DMRT2: variants seen among roughly 807,000 people sequenced by gnomAD.
DMRT2 encodes doublesex- and mab-3-related transcription factor 2.
A neutral mutation model predicts 43.5 loss-of-function variants in DMRT2; 33 were observed. The ratio of observed to expected loss-of-function variants is 0.76; its 90% CI spans 0.58 to 1.01. The LOEUF (loss-of-function observed/expected upper bound fraction) is 1.01, where lower values mean the gene tolerates loss of function less well. DMRT2 is among the 50% of genes least tolerant of loss of function. The pLI, the probability that DMRT2 is intolerant of heterozygous loss-of-function variation, is 0.00. For missense variants in DMRT2, 1,064 were observed against 748.0 expected (o/e 1.42, Z -4.93); for synonymous variants, 395 against 309.2 (o/e 1.28, Z -2.91).
chr9:1,055,872 A>G, intron 3 of DMRT2: 1 of 1,512,112 alleles, frequency 6.6e-7, no homozygotes. Context: ...TACAAGATAA[A>G]TAGTCTTGTC....
chr9:1,057,337 T>A lies in DMRT2; in HGVS notation c.*64T>A. The A allele has an allele frequency of 6.7e-7, 1 of 1,485,582 alleles. No individual in the cohort carries two copies. Among genetic ancestry groups the A allele is most frequent in the South Asian group, 1.4e-5 (1 of 69,688 alleles). The allele number at this position is 1,485,582 out of a possible 1,614,324, so 92.0% of individuals were successfully genotyped here. A position where few individuals can be genotyped will look rare whatever the true frequency, so the allele number is the denominator to read the frequency against. ...TAGAGCATTATAGCCATTTGCTACT[T>A]TTTTTAAAAGTTAAGATGTTTGTGT... On this transcript the variant is annotated 3_prime_UTR_variant, in exon 4 of 4. Transcript: ENST00000358146.
chr9:1,055,508 C>G (rs1046994993), intron 3 of DMRT2, among the ~76,000 whole-genome samples: 1 of 151,946 alleles, frequency 6.6e-6, no homozygotes, highest in Non-Finnish European at 1.5e-5. Flanking sequence ...GCAGGGAATA[C>G]TCCCCGCCTT....
rs759929135 is a variant in DMRT2 at position 1,051,421 on chromosome 9, C to T, written c.-44-149C>T. 9.4e-5 allele frequency: 83 copies of T among 884,102 alleles called. No individual in the cohort carries two copies. The highest frequency in any genetic ancestry group is 3.6e-4 in the Middle Eastern group (1 of 2,746). The allele number at this position is 884,102 out of a possible 1,614,324, so 54.8% of individuals were successfully genotyped here. ...GGGGGCCCTGGAGATACAGGAAAGG[C>T]ACGTGTGGCCTGGAAGTGAGGGACA... On this transcript the variant is annotated intron_variant, in intron 1 of 3. Coordinates refer to ENST00000358146, the MANE Select transcript of DMRT2 (RefSeq NM_181872.6). The surrounding 1 kb of genome is among the most constrained non-coding windows in gnomAD (Gnocchi z 5.9).
At position 1,057,524 on chromosome 9, in the gene DMRT2, A is replaced by G; in HGVS notation, c.*251A>G. ...TTACACAGCATTTCAAAAAGCAATA[A>G]AATTGACACTGTCTTCTCAAAGACC... On this transcript the variant is annotated 3_prime_UTR_variant, in exon 4 of 4. Coordinates refer to ENST00000358146, the MANE Select transcript of DMRT2 (RefSeq NM_181872.6). 1 of 416,370 alleles carries G rather than the reference A, an allele frequency of 2.4e-6. No homozygotes were observed. The highest frequency in any genetic ancestry group is 4.2e-6 in the Non-Finnish European group (1 of 236,688). The allele number at this position is 416,370 out of a possible 1,614,324, so 25.8% of individuals were successfully genotyped here. A position where few individuals can be genotyped will look rare whatever the true frequency, so the allele number is the denominator to read the frequency against.
chr9:1,053,287 G>T (rs1433613667), intron 2 of DMRT2, among the ~76,000 whole-genome samples: 1 of 150,680 alleles, frequency 6.6e-6, no homozygotes, highest in Non-Finnish European at 1.5e-5. Context: ...GGAGAAATCC[G>T]CCCGGCCTCA....
At chr9:1,055,508 C>T (rs1046994993) in intron 3 of DMRT2, among the ~76,000 whole-genome samples, 1 of 151,946 alleles carries the variant, frequency 6.6e-6, no homozygotes, top group African/African-American at 2.4e-5. Context: ...GCAGGGAATA[C>T]TCCCCGCCTT....
At position 1,052,118 on chromosome 9, in the gene DMRT2, C is replaced by T. The variant is rs1224964414; in HGVS notation, c.505C>T (p.Arg169Trp). 2 of 1,416,992 alleles carry T rather than the reference C, an allele frequency of 1.4e-6. No homozygotes were observed. Among genetic ancestry groups the T allele is most frequent in the Non-Finnish European group, 9.2e-7 (1 of 1,091,302 alleles). 87.8% of individuals were successfully genotyped at this position (1,416,992 alleles called of 1,614,324 possible). The change falls in exon 2 of 4, where the codon CGG (arginine) becomes TGG (tryptophan). Residue 169 changes from arginine (R) to tryptophan (W), a missense_variant. Physicochemically the swap from Arg to Trp is moderately radical, Grantham distance 101. Transcript: ENST00000358146. ...QRVMAAQVALRRQQATEDKKG... is the reference protein window; with the variant it reads ...QRVMAAQVALWRQQATEDKKG... ...CGTCATGGCCGCCCAGGTGGCGCTCCGGAGGCAGCAGGCCACCGAGGTGCG... is the reference window on the plus strand; with the variant it reads ...CGTCATGGCCGCCCAGGTGGCGCTCTGGAGGCAGCAGGCCACCGAGGTGCG...
chr9:1,053,122 G>T (rs183884559), intron 2 of DMRT2: 1 of 152,444 alleles, frequency 6.6e-6, no homozygotes, highest in East Asian at 1.9e-4. Flanking sequence ...GGACGCGGGC[G>T]TGGGAGGGCC....
intron 2 of DMRT2, among the ~76,000 whole-genome samples, chr9:1,052,709 AC>A (rs766709501): frequency 6.6e-6 from 1 of 152,106 alleles, no homozygotes; most frequent in Non-Finnish European, 1.5e-5. Flanking sequence ...CCTGCAAACT[AC>A]CTAAGAGCAA....
Position 1,051,444 on chromosome 9 carries a change from A to T in DMRT2, c.-44-126A>T. 1 of 1,110,052 alleles carries T rather than the reference A, an allele frequency of 9.0e-7. No homozygotes were observed. Among genetic ancestry groups the T allele is most frequent in the Non-Finnish European group, 1.2e-6 (1 of 837,778 alleles). 68.8% of individuals were successfully genotyped at this position (1,110,052 alleles called of 1,614,324 possible). A position where few individuals can be genotyped will look rare whatever the true frequency, so the allele number is the denominator to read the frequency against. On this transcript the variant is annotated intron_variant, in intron 1 of 3. Coordinates refer to ENST00000358146, the MANE Select transcript of DMRT2 (RefSeq NM_181872.6). This position sits in a 1 kb window ranked among gnomAD's most constrained non-coding sequence, Gnocchi z 5.9. ...GGCACGTGTGGCCTGGAAGTGAGGG[A>T]CATGTAATGAGAACAGGATGACTCA... is the stretch of plus-strand genomic sequence containing the variant.
chr9:1,056,460 A>G lies in DMRT2; in HGVS notation c.873A>G (p.Pro291=). The part of the protein sequence containing the change: ...NSYKSAYSPS[P]VEPPSKDFCN... ...ACAAAAGTGCCTACAGCCCCAGCCC[A>G]GTGGAACCACCAAGCAAGGACTTCT... The change falls in exon 4 of 4, where the codon CCA becomes CCG. Residue 291 remains proline, a synonymous_variant. Coordinates refer to ENST00000358146, the MANE Select transcript of DMRT2 (RefSeq NM_181872.6). 3 of 1,614,204 alleles carry G rather than the reference A, an allele frequency of 1.9e-6. No homozygotes were observed. Among genetic ancestry groups the G allele is most frequent in the Non-Finnish European group, 2.5e-6 (3 of 1,180,026 alleles).
In DMRT2 at chr9:1,051,674, G is replaced by A. The variant is rs1156951855; in HGVS notation, c.61G>A (p.Glu21Lys). 1.9e-6 allele frequency: 3 copies of A among 1,570,020 alleles called. No homozygotes were observed. Among genetic ancestry groups the A allele is most frequent in the Non-Finnish European group, 2.6e-6 (3 of 1,166,196 alleles). Residue 21 changes from glutamate to lysine, a missense_variant, in exon 2 of 4, where the codon GAG becomes AAG. Physicochemically the swap from Glu to Lys is moderately conservative, Grantham distance 56. Transcript: ENST00000358146. The surrounding 1 kb of genome is among the most constrained non-coding windows in gnomAD (Gnocchi z 5.9). ...GDWEIDVESL[E>K]LEEDVCGAPR... is the part of the protein sequence containing the mutation. The stretch of plus-strand genomic sequence containing the variant: ...CTGGGAGATCGATGTCGAGAGCCTG[G>A]AGCTGGAAGAGGACGTCTGCGGGGC...
rs1325411950 is a variant in DMRT2 at position 1,056,498 on chromosome 9, C to A, written c.911C>A (p.Pro304His). The A allele has an allele frequency of 1.2e-6, 2 of 1,614,160 alleles. No individual in the cohort carries two copies. Among genetic ancestry groups the A allele is most frequent in the Non-Finnish European group, 1.7e-6 (2 of 1,180,034 alleles). ...PPSKDFCNFLPTCLDLTMQYS... is the reference protein window; with the variant it reads ...PPSKDFCNFLHTCLDLTMQYS... ...AGCAAGGACTTCTGTAATTTTTTGC[C>A]CACCTGCCTTGATTTAACCATGCAG... The change falls in exon 4 of 4, where the codon CCC becomes CAC. Residue 304 changes from proline to histidine, a missense_variant. Pro to His is a moderately conservative substitution (Grantham distance 77, BLOSUM62 -2). Transcript: ENST00000358146.
rs1436867496 is a variant in DMRT2, at chr9:1,057,140, TAGATAGATGTGCAAA to T, written c.1557_1571del (p.Arg520_Asp524del). ...GACAACCAGAAGTACACATTTACAA[TAGATAGATGTGCAAA>T]AGACCTTTTTGTAGCCAAACAAGTT... On this transcript the variant is annotated inframe_deletion, in exon 4 of 4. Transcript: ENST00000358146. 1 of 1,613,820 alleles carries T rather than the reference TAGATAGATGTGCAAA, an allele frequency of 6.2e-7. No individual in the cohort carries two copies. Among genetic ancestry groups the T allele is most frequent in the Non-Finnish European group, 8.5e-7 (1 of 1,180,014 alleles).
At position 1,056,826 on chromosome 9, in the gene DMRT2, G is replaced by C; in HGVS notation, c.1239G>C (p.Thr413=). The C allele has an allele frequency of 6.2e-7, 1 of 1,614,132 alleles. No individual in the cohort carries two copies. Among genetic ancestry groups the C allele is most frequent in the East Asian group, 2.2e-5 (1 of 44,870 alleles). Residue 413 remains threonine, a synonymous_variant, in exon 4 of 4, where the codon ACG becomes ACC. Transcript: ENST00000358146. ...VLPHTPEIQT[T]RSDLQGHQAV... ...CTCACACTCCTGAGATCCAGACCAC[G>C]AGAAGTGACCTTCAGGGTCATCAGG...
intron 2 of DMRT2, among the ~76,000 whole-genome samples, 200 bp from the exon 3 acceptor site, chr9:1,053,522 G>C (rs1310773119): frequency 1.3e-5 from 2 of 152,228 alleles, no homozygotes; most frequent in Admixed American, 1.3e-4. Context: ...CAGCTCACCA[G>C]CTGAGGTTCC....
Position 1,051,644 on chromosome 9 carries a change from G to T in DMRT2, c.31G>T (p.Gly11Trp). The change falls in exon 2 of 4, where the codon GGG (glycine) becomes TGG (tryptophan). Residue 11 changes from glycine to tryptophan, a missense_variant. Physicochemically the swap from Gly to Trp is radical, Grantham distance 184 (BLOSUM62 -2). Coordinates refer to ENST00000358146, the MANE Select transcript of DMRT2 (RefSeq NM_181872.6). This position sits in a 1 kb window ranked among gnomAD's most constrained non-coding sequence, Gnocchi z 5.9. ...CGACCCGCAGGCTGGCTCCGCGGCC[G>T]GGGACTGGGAGATCGATGTCGAGAG... MADPQAGSAA[G>W]DWEIDVESLE... 1 of 1,565,962 alleles carries T rather than the reference G, an allele frequency of 6.4e-7. No individual in the cohort carries two copies. The highest frequency in any genetic ancestry group is 1.1e-5 in the South Asian group (1 of 87,274).
chr9:1,055,784 G>C (rs748931401), intron 3 of DMRT2: 1 of 1,508,780 alleles, frequency 6.6e-7, no homozygotes, highest in Non-Finnish European at 8.9e-7. Context: ...GAAAATAAAA[G>C]TGACATCAGC....
Position 1,051,975 on chromosome 9 carries a change from C to T in DMRT2, c.362C>T (p.Pro121Leu). Residue 121 changes from proline (P) to leucine (L), a missense_variant, in exon 2 of 4, where the codon CCC (proline) becomes CTC (leucine). Physicochemically the swap from Pro to Leu is moderately conservative, Grantham distance 98. Transcript: ENST00000358146. This position sits in a 1 kb window ranked among gnomAD's most constrained non-coding sequence, Gnocchi z 5.9. ...GAEPRKLSRT[P>L]KCARCRNHGV... The stretch of plus-strand genomic sequence containing the variant: ...GAGCCGCGCAAGCTGAGCCGCACGC[C>T]CAAGTGCGCGCGCTGCCGCAACCAC... 6.9e-7 allele frequency: 1 copy of T among 1,440,396 alleles called. No individual in the cohort carries two copies. The highest frequency in any genetic ancestry group is 9.1e-7 in the Non-Finnish European group (1 of 1,102,718). The allele number at this position is 1,440,396 out of a possible 1,614,324, so 89.2% of individuals were successfully genotyped here.
Sources: allele counts gnomAD v4.1 joint callset (sites outside exome capture counted in the v4.1 genomes callset), GRCh38; gene constraint gnomAD v4.1.1; non-coding constraint Gnocchi (gnomAD v3.1); transcripts MANE v1.5; gene names NCBI Gene and HGNC (gene_info 2026-07-23, HGNC 2026-07-21).